Variants in TIAM1 observed in about 807,000 individuals in gnomAD.
TIAM1 encodes rho guanine nucleotide exchange factor TIAM1.
Under a neutral mutation model 163.5 loss-of-function variants are expected in TIAM1, and 65 were observed. That is an observed-to-expected ratio of 0.40 (90% CI 0.33 to 0.49). The LOEUF (loss-of-function observed/expected upper bound fraction) is 0.49, where lower values mean the gene tolerates loss of function less well. Ranked by LOEUF, TIAM1 falls within the 20% of genes least tolerant of loss-of-function variation. TIAM1 has a pLI of 0.77. For synonymous variants in TIAM1, 833 were observed against 810.1 expected (o/e 1.03, Z -0.48); for missense variants, 1,789 against 2,044.7 (o/e 0.87, Z 2.41).
At chr21:31,325,653 G>A (rs2075461333) in intron 2 of TIAM1, among the ~76,000 whole-genome samples, 1 of 142,270 alleles carries the variant, frequency 7.0e-6, no homozygotes, top group South Asian at 2.3e-4. Context: ...GGGCGACAGA[G>A]CAAGACTCTG....
chr21:31,274,561 T>C (rs1019760093), intron 3 of TIAM1, among the ~76,000 whole-genome samples: 10 of 152,176 alleles, frequency 6.6e-5, no homozygotes, highest in Middle Eastern at 3.2e-3. Context: ...GTGGTGCTCC[T>C]AGCAGACAGC....
At chr21:31,424,657 TG>T (rs1284398858) in intron 2 of TIAM1, among the ~76,000 whole-genome samples, 1 of 151,586 alleles carries the variant, frequency 6.6e-6, no homozygotes, top group Non-Finnish European at 1.5e-5. Context: ...GAATGTGGAG[TG>T]ATTATTTATT....
chr21:31,210,749 A>AGAAAGAAAGAAG (rs2086816555), intron 10 of TIAM1, among the ~76,000 whole-genome samples: 2 of 14,544 alleles, frequency 1.4e-4, no homozygotes, highest in Non-Finnish European at 3.2e-4. Flanking sequence ...GAAGGAAGGG[A>AGAAAGAAAGAAG]GAAAGAAAGA....
At chr21:31,508,387 CTTT>C (rs200164021) in intron 1 of TIAM1, among the ~76,000 whole-genome samples, 15 of 126,532 alleles carry the variant, frequency 1.2e-4, no homozygotes, top group South Asian at 2.6e-4. Context: ...ATTGAAATTT[CTTT>C]TTTTTTTTTT....
intron 2 of TIAM1, among the ~76,000 whole-genome samples, chr21:31,456,381 C>T (rs890152353): frequency 2.0e-5 from 3 of 152,176 alleles, no homozygotes; most frequent in Admixed American, 6.5e-5. Flanking sequence ...GGATCAGTAG[C>T]CTCCCTGCCG....
At chr21:31,336,779 G>A (rs1415043039) in intron 2 of TIAM1, among the ~76,000 whole-genome samples, 1 of 152,124 alleles carries the variant, frequency 6.6e-6, no homozygotes, top group East Asian at 1.9e-4. Flanking sequence ...ACAGCCGGGA[G>A]GAGGTGGACT....
upstream of TIAM1, among the ~76,000 whole-genome samples, chr21:31,346,438 C>T (rs1334599126): frequency 6.6e-6 from 1 of 152,176 alleles, no homozygotes; most frequent in Non-Finnish European, 1.5e-5. Flanking sequence ...GTTTTGGGTG[C>T]AGCCTTGGCA....
At chr21:31,448,489 C>A (rs991984487) in intron 2 of TIAM1, among the ~76,000 whole-genome samples, 4 of 151,826 alleles carry the variant, frequency 2.6e-5, no homozygotes, top group African/African-American at 9.7e-5. Context: ...GCCTGTAGTC[C>A]CAGCTACTCA....
chr21:31,444,175 C>A (rs185482618), intron 2 of TIAM1, among the ~76,000 whole-genome samples: 1 of 152,050 alleles, frequency 6.6e-6, no homozygotes, highest in South Asian at 2.1e-4. Flanking sequence ...AGCTGTCCCA[C>A]GGAAATTACA....
intron 2 of TIAM1, among the ~76,000 whole-genome samples, chr21:31,376,443 T>C (rs1476222735): frequency 1.3e-5 from 2 of 152,130 alleles, no homozygotes; most frequent in African/African-American, 2.4e-5. Flanking sequence ...GGGAAAGACA[T>C]ACAGTGTTTA....
intron 2 of TIAM1, among the ~76,000 whole-genome samples, chr21:31,281,034 G>A (rs1026712040): frequency 7.1e-6 from 1 of 140,820 alleles, no homozygotes; most frequent in East Asian, 2.2e-4. Context: ...AGGATCCCTT[G>A]AGCCCAGGAG....
chr21:31,333,406 A>G (rs1156790487), intron 2 of TIAM1, among the ~76,000 whole-genome samples: 1 of 152,158 alleles, frequency 6.6e-6, no homozygotes, highest in Non-Finnish European at 1.5e-5. Context: ...CTTCTAGTTT[A>G]TACCTCTCAT....
chr21:31,266,710 G>A lies in TIAM1; in HGVS notation c.263C>T (p.Pro88Leu), dbSNP rs1399643614. 1 of 1,614,044 alleles carries A rather than the reference G, an allele frequency of 6.2e-7. No individual in the cohort carries two copies. Among genetic ancestry groups the A allele is most frequent in the Non-Finnish European group, 8.5e-7 (1 of 1,180,042 alleles). Residue 88 changes from proline to leucine, a missense_variant, in exon 4 of 28, where the codon CCC (proline) becomes CTC (leucine). Around this residue, in one of 5 missense-constraint regions of TIAM1, gnomAD observed 555 missense variants for 564.9 expected, o/e 0.98. Coordinates refer to ENST00000541036, the MANE Select transcript of TIAM1 (RefSeq NM_001353694.2). Reference sequence around the variant, plus strand: ...CATGTCCACTCGGTCCACCCAGATGGGGCTCCCGAAGTCTTCTAGGGTACC... The same window carrying A: ...CATGTCCACTCGGTCCACCCAGATGAGGCTCCCGAAGTCTTCTAGGGTACC... ...QDGTLEDFGSPIWVDRVDMGL... is the reference protein window; with the variant it reads ...QDGTLEDFGSLIWVDRVDMGL...
intron 1 of TIAM1, among the ~76,000 whole-genome samples, chr21:31,556,798 C>G (rs1386798909): frequency 6.6e-6 from 1 of 152,198 alleles, no homozygotes; most frequent in Non-Finnish European, 1.5e-5. Flanking sequence ...CTCCTCTATT[C>G]AAAGATAATT....
chr21:31,348,473 A>C (rs1247095097), upstream of TIAM1, among the ~76,000 whole-genome samples: 1 of 152,222 alleles, frequency 6.6e-6, no homozygotes, highest in Non-Finnish European at 1.5e-5. Context: ...AAATTACCTG[A>C]ATCCAAACAC....
At chr21:31,432,395 T>C (rs7279331) in intron 2 of TIAM1, among the ~76,000 whole-genome samples, 18,020 of 152,100 alleles carry the variant, frequency 0.12, 1,772 homozygotes, top group African/African-American at 0.26. Context: ...CACCACGCCC[T>C]GCCCTTCCAT....
intron 1 of TIAM1, among the ~76,000 whole-genome samples, chr21:31,514,815 C>A (rs1004927530): frequency 1.3e-5 from 2 of 152,362 alleles, no homozygotes; most frequent in Non-Finnish European, 2.9e-5. Flanking sequence ...AGCTGCGCTG[C>A]CCTCTCTCTG....
At chr21:31,199,331 C>A (rs1350394186) in intron 12 of TIAM1, among the ~76,000 whole-genome samples, 1 of 152,140 alleles carries the variant, frequency 6.6e-6, no homozygotes, top group East Asian at 1.9e-4. Context: ...TCAAAGCCGA[C>A]AATGCCCTTT....
intron 4 of TIAM1, among the ~76,000 whole-genome samples, chr21:31,260,972 G>A (rs1413832232): frequency 6.6e-6 from 1 of 152,194 alleles, no homozygotes; most frequent in Admixed American, 6.5e-5. Context: ...GGTTGTTGAT[G>A]TGCATTTTCA....
Sources: allele counts gnomAD v4.1 joint callset (sites outside exome capture counted in the v4.1 genomes callset), GRCh38; gene constraint gnomAD v4.1.1; regional missense constraint gnomAD v4.1.1; transcripts MANE v1.5; gene names NCBI Gene and HGNC (gene_info 2026-07-23, HGNC 2026-07-21).